EPHA6: variants seen among roughly 807,000 people sequenced by gnomAD.
EPHA6 encodes EPH receptor A6, also known as ephrin type-A receptor 6.
In EPHA6, 50 loss-of-function variants were observed where a neutral mutation model predicts 112.0. That is an observed-to-expected ratio of 0.45 (90% CI 0.36 to 0.56). EPHA6 has a LOEUF of 0.56. Ranked by LOEUF, EPHA6 falls within the 20% of genes least tolerant of loss-of-function variation. The pLI is 0.00. For synonymous variants in EPHA6, 529 were observed against 490.7 expected, an observed-to-expected ratio of 1.08 and a Z score of -1.03; for missense variants, 1,280 against 1,417.4, an observed-to-expected ratio of 0.90 and a Z score of 1.56.
chr3:97,309,160 A>G (rs1411773312), intron 5 of EPHA6, among the ~76,000 whole-genome samples: 1 of 151,536 alleles, frequency 6.6e-6, no homozygotes, highest in Admixed American at 6.6e-5. Context: ...AACTTATAAA[A>G]TGTATTGTAA....
chr3:97,127,178 A>G (rs1310935077), intron 3 of EPHA6, among the ~76,000 whole-genome samples: 1 of 152,178 alleles, frequency 6.6e-6, no homozygotes, highest in Non-Finnish European at 1.5e-5. Flanking sequence ...GTTTGCTAAG[A>G]GTGGACAGCA....
At chr3:97,377,846 T>C (rs1457959915) in intron 5 of EPHA6, among the ~76,000 whole-genome samples, 2 of 151,902 alleles carry the variant, frequency 1.3e-5, no homozygotes, top group African/African-American at 4.8e-5. Flanking sequence ...AGAGGTGACT[T>C]GGGTGCTGTT....
At chr3:97,560,571 T>G (rs567054992) in intron 11 of EPHA6, 1 of 152,054 alleles carries the variant, frequency 6.6e-6, no homozygotes, top group East Asian at 1.9e-4. Flanking sequence ...AAAATTGGAG[T>G]GAACAGCTTT....
At chr3:96,858,308 A>G (rs1229058004) in intron 1 of EPHA6, among the ~76,000 whole-genome samples, 1 of 152,102 alleles carries the variant, frequency 6.6e-6, no homozygotes, top group Non-Finnish European at 1.5e-5. Flanking sequence ...AGAGAATTAC[A>G]TGGTTTAGGG....
intron 15 of EPHA6, among the ~76,000 whole-genome samples, chr3:97,729,133 A>G (rs2034916983): frequency 6.6e-6 from 1 of 152,122 alleles, no homozygotes; most frequent in Admixed American, 6.5e-5. Context: ...TAGTCTCTGA[A>G]AAAAGTGTTT....
intron 11 of EPHA6, chr3:97,590,394 T>C (rs1344857562): frequency 4.6e-5 from 7 of 152,208 alleles, no homozygotes; most frequent in Non-Finnish European, 8.8e-5. Context: ...AATGCAATCA[T>C]AGCAATAAGA....
chr3:97,672,272 G>A (rs2030924950), intron 14 of EPHA6, among the ~76,000 whole-genome samples: 1 of 152,118 alleles, frequency 6.6e-6, no homozygotes, highest in Non-Finnish European at 1.5e-5. Context: ...TCTAAAGAAT[G>A]CTGCTTTCTG....
At chr3:96,878,171 G>A (rs1384944853) in intron 2 of EPHA6, among the ~76,000 whole-genome samples, 1 of 151,864 alleles carries the variant, frequency 6.6e-6, no homozygotes, top group Admixed American at 6.6e-5. Flanking sequence ...AATATGTACA[G>A]CCACCATATT....
intron 5 of EPHA6, among the ~76,000 whole-genome samples, chr3:97,250,683 G>A (rs572312667): frequency 1.3e-5 from 2 of 152,100 alleles, no homozygotes; most frequent in South Asian, 2.1e-4. Flanking sequence ...CTACTTTATG[G>A]TTAGGCAAAT....
At chr3:97,085,452 G>A (rs2046863568) in intron 3 of EPHA6, among the ~76,000 whole-genome samples, 1 of 152,104 alleles carries the variant, frequency 6.6e-6, no homozygotes, top group Admixed American at 6.6e-5. Flanking sequence ...GCACAATGAA[G>A]ATCCTATGTA....
chr3:97,387,043 G>A (rs1309319013), intron 5 of EPHA6, among the ~76,000 whole-genome samples: 1 of 152,220 alleles, frequency 6.6e-6, no homozygotes, highest in Admixed American at 6.5e-5. Context: ...GCTGCACAGA[G>A]CAGAGGGGCC....
intron 2 of EPHA6, among the ~76,000 whole-genome samples, chr3:96,982,722 A>G (rs1441246098): frequency 1.3e-5 from 2 of 151,568 alleles, no homozygotes; most frequent in Non-Finnish European, 2.9e-5. Flanking sequence ...GACTTGCTTT[A>G]TGAATCTGTG....
Position 97,465,248 on chromosome 3 carries a change from G to A in EPHA6, c.1895-10104G>A, listed in dbSNP as rs140672069. Among the ~76,000 whole-genome samples the A allele has an allele frequency of 4.7e-3, 710 of 151,906 alleles. 6 individuals carry two copies. Among genetic ancestry groups the A allele is most frequent in the African/African-American group, 0.017 (684 of 41,438 alleles). ...TTTTTTACTTAACTCAATTCCCTAG[G>A]CAATGAAGTCAAAATTTTGTGAAAA... On this transcript the variant is annotated intron_variant, in intron 7 of 17. Transcript: ENST00000389672.
At chr3:97,464,553 A>G (rs544829946) in intron 7 of EPHA6, among the ~76,000 whole-genome samples, 1 of 152,250 alleles carries the variant, frequency 6.6e-6, no homozygotes, top group East Asian at 1.9e-4. Flanking sequence ...CTGCAGGCAA[A>G]GCAAAGATTG....
At chr3:97,216,595 C>T (rs11916264) in intron 3 of EPHA6, among the ~76,000 whole-genome samples, 7,774 of 152,198 alleles carry the variant, frequency 0.051, 630 homozygotes, top group African/African-American at 0.17. Flanking sequence ...ATATAGCAAG[C>T]AGTGGAATTG....
In EPHA6 at chr3:96,843,061, T is replaced by C. The variant is rs536905263; in HGVS notation, c.386-23764T>C. 6.1e-4 allele frequency among the ~76,000 whole-genome samples: 93 copies of C among 152,276 alleles called. 1 individual carries two copies. Among genetic ancestry groups the C allele is most frequent in the Middle Eastern group, 3.4e-3 (1 of 294 alleles). ...AGCAGAATTCATACTTAATTTCTAA[T>C]GTGCATCTGTGTCTATGTGTAGGAT... On this transcript the variant is annotated intron_variant, in intron 1 of 17. Transcript: ENST00000389672.
At chr3:97,457,800 C>G (rs1309697755) in intron 7 of EPHA6, among the ~76,000 whole-genome samples, 1 of 152,012 alleles carries the variant, frequency 6.6e-6, no homozygotes, top group Non-Finnish European at 1.5e-5. Context: ...GGCGCGGTGG[C>G]TCATGCCTGT....
At chr3:97,152,746 TCCTTCTAC>T (rs1287967224) in intron 3 of EPHA6, among the ~76,000 whole-genome samples, 1 of 152,132 alleles carries the variant, frequency 6.6e-6, no homozygotes, top group Non-Finnish European at 1.5e-5. Flanking sequence ...CCCATTTTTG[TCCTTCTAC>T]AGTAAGAGGG....
At chr3:96,842,945 A>G (rs2034839107) in intron 1 of EPHA6, among the ~76,000 whole-genome samples, 1 of 152,086 alleles carries the variant, frequency 6.6e-6, no homozygotes, top group East Asian at 1.9e-4. Context: ...TTTTCAACTC[A>G]GTGTCTTTAA....
Sources: gnomAD v4.1 joint callset for allele counts (sites outside exome capture counted in the v4.1 genomes callset) on GRCh38, gnomAD v4.1.1 for gene constraint, MANE v1.5 for transcripts, NCBI Gene and HGNC (gene_info 2026-07-23, HGNC 2026-07-21) for gene names.